MARCHF3: variants seen among roughly 807,000 people sequenced by gnomAD.
MARCHF3 encodes the protein membrane associated ring-CH-type finger 3.
In MARCHF3, 13 loss-of-function variants were observed where a neutral mutation model predicts 24.2. That is an observed-to-expected ratio of 0.54 (90% confidence interval 0.35 to 0.85). MARCHF3 has a LOEUF of 0.85. MARCHF3 is among the 40% of genes least tolerant of loss of function. The pLI, the probability that MARCHF3 is intolerant of heterozygous loss-of-function variation, is 0.01. For synonymous variants in MARCHF3, 144 were observed against 137.3 expected (o/e 1.05, Z -0.34); for missense variants, 276 against 325.0 (o/e 0.85, Z 1.16).
intron 1 of MARCHF3, among the ~76,000 whole-genome samples, chr5:126,931,570 TACACACACACAC>T (rs57567399): frequency 3.8e-4 from 54 of 142,886 alleles, no homozygotes; most frequent in Admixed American, 1.1e-3. Flanking sequence ...CATACATGAA[TACACACACACAC>T]ACACACACAC....
chr5:126,999,589 T>C (rs1695793992), intron 1 of MARCHF3, among the ~76,000 whole-genome samples: 2 of 152,346 alleles, frequency 1.3e-5, no homozygotes, highest in Middle Eastern at 3.4e-3. Flanking sequence ...ATTGCAGTAA[T>C]GTCTCTCAGC....
At chr5:126,990,843 A>G (rs918627412) in intron 1 of MARCHF3, among the ~76,000 whole-genome samples, 4 of 152,232 alleles carry the variant, frequency 2.6e-5, no homozygotes, top group African/African-American at 7.2e-5. Context: ...CAAAACAACA[A>G]TGAGATACCA....
At chr5:126,938,047 A>G (rs904200466) in intron 1 of MARCHF3, among the ~76,000 whole-genome samples, 8 of 152,190 alleles carry the variant, frequency 5.3e-5, no homozygotes, top group African/African-American at 1.9e-4. Flanking sequence ...ACTAAATTTT[A>G]CAATACATAG....
At chr5:126,930,141 A>C (rs6865595) in intron 1 of MARCHF3, among the ~76,000 whole-genome samples, 4,498 of 152,266 alleles carry the variant, frequency 0.03, 217 homozygotes, top group African/African-American at 0.1. Flanking sequence ...ACTCTTCTTA[A>C]GTATACAGAA....
At chr5:126,876,259 T>C (rs1238356174) in intron 4 of MARCHF3, among the ~76,000 whole-genome samples, 3 of 152,222 alleles carry the variant, frequency 2.0e-5, no homozygotes, top group East Asian at 1.9e-4. Context: ...AGGCCTTACA[T>C]TGGTTTTGAA....
At chr5:126,916,646 C>T (rs553005723) in intron 2 of MARCHF3, among the ~76,000 whole-genome samples, 3 of 147,368 alleles carry the variant, frequency 2.0e-5, no homozygotes, top group Middle Eastern at 7.2e-3. Flanking sequence ...TTTACAGTAC[C>T]GCATGGTGGG....
At chr5:126,898,558 T>C (rs531452827) in intron 3 of MARCHF3, among the ~76,000 whole-genome samples, 8 of 152,214 alleles carry the variant, frequency 5.3e-5, no homozygotes, top group African/African-American at 1.9e-4. Flanking sequence ...ACCAGCTACA[T>C]AATGCAAAGA....
chr5:126,917,897 A>G, intron 2 of MARCHF3, 87 bp downstream of exon 2: 1 of 1,369,304 alleles, frequency 7.3e-7, no homozygotes, highest in Non-Finnish European at 1.0e-6. Context: ...AGACCTGAGC[A>G]CTAATTACAT....
intron 1 of MARCHF3, among the ~76,000 whole-genome samples, chr5:126,942,582 A>G (rs143731767): frequency 6.6e-6 from 1 of 152,374 alleles, no homozygotes; most frequent in East Asian, 1.9e-4. Context: ...ACTATACACC[A>G]GACACAATAA....
chr5:127,005,669 T>C (rs1752288289), intron 1 of MARCHF3, among the ~76,000 whole-genome samples: 2 of 152,162 alleles, frequency 1.3e-5, no homozygotes, highest in Non-Finnish European at 2.9e-5. Context: ...AAGGGGTCTG[T>C]GACTGTTCCC....
chr5:126,956,014 C>T (rs1189095951), intron 1 of MARCHF3, among the ~76,000 whole-genome samples: 1 of 152,164 alleles, frequency 6.6e-6, no homozygotes, highest in Non-Finnish European at 1.5e-5. Context: ...ATGAAGAGAA[C>T]TAAATCACTT....
chr5:126,919,176 C>T (rs185679833), intron 1 of MARCHF3, among the ~76,000 whole-genome samples: 1 of 152,300 alleles, frequency 6.6e-6, no homozygotes, highest in East Asian at 1.9e-4. Context: ...TGGGTCATGA[C>T]CTCAAGTTCA....
At chr5:126,957,523 G>A (rs1750489999) in intron 1 of MARCHF3, among the ~76,000 whole-genome samples, 1 of 152,008 alleles carries the variant, frequency 6.6e-6, no homozygotes, top group Non-Finnish European at 1.5e-5. Context: ...ATTGCATGAT[G>A]TTAAAAAGTA....
At chr5:126,996,657 C>T (rs1397226977) in intron 1 of MARCHF3, among the ~76,000 whole-genome samples, 1 of 151,358 alleles carries the variant, frequency 6.6e-6, no homozygotes, top group Non-Finnish European at 1.5e-5. Flanking sequence ...GTGGTATTAG[C>T]AAAAAGCACT....
chr5:126,905,692 T>C (rs1225985970), intron 3 of MARCHF3, among the ~76,000 whole-genome samples: 1 of 152,038 alleles, frequency 6.6e-6, no homozygotes, highest in Non-Finnish European at 1.5e-5. Context: ...CTGAAGTTGC[T>C]TATCAGCTTA....
chr5:127,009,589 C>T (rs901369216), intron 1 of MARCHF3, among the ~76,000 whole-genome samples: 5 of 152,154 alleles, frequency 3.3e-5, no homozygotes, highest in African/African-American at 1.2e-4. Flanking sequence ...ACAGAGTTAA[C>T]TGTGTGAATC....
chr5:126,987,196 G>A (rs1271143458), intron 1 of MARCHF3, among the ~76,000 whole-genome samples: 1 of 152,184 alleles, frequency 6.6e-6, no homozygotes, highest in Non-Finnish European at 1.5e-5. Flanking sequence ...AGAAAATGAG[G>A]AGTTATTCAT....
chr5:127,008,595 T>G (rs1752381364), intron 1 of MARCHF3, among the ~76,000 whole-genome samples: 1 of 152,192 alleles, frequency 6.6e-6, no homozygotes, highest in African/African-American at 2.4e-5. Flanking sequence ...TCTGGACAGC[T>G]CTGTTTTGTG....
chr5:126,880,903 T>A (rs1753320358), intron 3 of MARCHF3, among the ~76,000 whole-genome samples: 1 of 152,132 alleles, frequency 6.6e-6, no homozygotes, highest in Admixed American at 6.5e-5. Context: ...AGCTAAGACT[T>A]CCCTTCCTTT....
Sources: allele counts gnomAD v4.1 joint callset (sites outside exome capture counted in the v4.1 genomes callset), GRCh38; gene constraint gnomAD v4.1.1; transcripts MANE v1.5; gene names NCBI Gene and HGNC (gene_info 2026-07-23, HGNC 2026-07-21).